MACROD2: variants seen among roughly 807,000 people sequenced by gnomAD.
MACROD2 encodes mono-ADP ribosylhydrolase 2.
MACROD2 carries 36 observed loss-of-function variants against 70.4 expected under a neutral mutation model. That is an observed-to-expected ratio of 0.51 (90% CI 0.39 to 0.68). The LOEUF (loss-of-function observed/expected upper bound fraction) is 0.68. Ranked by LOEUF, MACROD2 falls within the 30% of genes least tolerant of loss-of-function variation. The pLI is 0.00. For synonymous variants in MACROD2, 172 were observed against 178.8 expected, an observed-to-expected ratio of 0.96 and a Z score of 0.30; for missense variants, 496 against 538.4, an observed-to-expected ratio of 0.92 and a Z score of 0.78.
chr20:14,784,265 T>G (rs1425190020), intron 5 of MACROD2, among the ~76,000 whole-genome samples: 1 of 152,128 alleles, frequency 6.6e-6, no homozygotes, highest in Non-Finnish European at 1.5e-5. Flanking sequence ...TATGTCTGCT[T>G]TCTTGCCTGT....
At chr20:15,643,831 T>G (rs1358548366) in intron 8 of MACROD2, among the ~76,000 whole-genome samples, 2 of 152,168 alleles carry the variant, frequency 1.3e-5, no homozygotes, top group Non-Finnish European at 2.9e-5. Flanking sequence ...AGATGGACAT[T>G]TATGTTTCAT....
chr20:15,078,389 G>C (rs1328858497), intron 5 of MACROD2, among the ~76,000 whole-genome samples: 1 of 152,114 alleles, frequency 6.6e-6, no homozygotes, highest in African/African-American at 2.4e-5. Flanking sequence ...ACAGAGAAGG[G>C]GGATGAAAGG....
intron 5 of MACROD2, among the ~76,000 whole-genome samples, chr20:14,765,652 G>C (rs2072077313): frequency 6.6e-6 from 1 of 151,960 alleles, no homozygotes; most frequent in Non-Finnish European, 1.5e-5. Flanking sequence ...GGGATCACTG[G>C]GTTTAATTTT....
At chr20:15,989,109 A>G (rs1388799699) in intron 15 of MACROD2, among the ~76,000 whole-genome samples, 1 of 152,204 alleles carries the variant, frequency 6.6e-6, no homozygotes, top group Non-Finnish European at 1.5e-5. Context: ...GTGCAAAGCA[A>G]TTAAAACAAT....
At chr20:15,747,538 T>A (rs1430199450) in intron 8 of MACROD2, among the ~76,000 whole-genome samples, 1 of 152,196 alleles carries the variant, frequency 6.6e-6, no homozygotes, top group East Asian at 1.9e-4. Flanking sequence ...CAATTGATGT[T>A]TTTAAATAGT....
At chr20:15,871,405 C>G (rs2064581622) in intron 9 of MACROD2, among the ~76,000 whole-genome samples, 1 of 152,094 alleles carries the variant, frequency 6.6e-6, no homozygotes, top group Non-Finnish European at 1.5e-5. Context: ...TTTATCTCAT[C>G]CATTATCATT....
chr20:15,749,826 C>G (rs1393413186), intron 8 of MACROD2, among the ~76,000 whole-genome samples: 1 of 151,982 alleles, frequency 6.6e-6, no homozygotes, highest in Non-Finnish European at 1.5e-5. Context: ...GACTAGACAC[C>G]TATCTCTCGC....
intron 6 of MACROD2, among the ~76,000 whole-genome samples, chr20:15,260,964 A>G (rs1002538609): frequency 3.9e-5 from 6 of 152,018 alleles, no homozygotes; most frequent in Admixed American, 3.9e-4. Flanking sequence ...ACTATGGGCC[A>G]TGAGGTTATT....
At chr20:15,378,283 GAA>G (rs11087133) in intron 6 of MACROD2, among the ~76,000 whole-genome samples, 8,188 of 87,440 alleles carry the variant, frequency 0.094, 664 homozygotes, top group African/African-American at 0.26. Context: ...CAATAAAATT[GAA>G]AAAAAAAAAA....
chr20:15,606,394 T>C (rs2048893478), intron 8 of MACROD2, among the ~76,000 whole-genome samples: 1 of 152,142 alleles, frequency 6.6e-6, no homozygotes, highest in African/African-American at 2.4e-5. Context: ...ATGCTGTTTT[T>C]TTCTTCTTCA....
chr20:14,564,012 A>C (rs1472422674), intron 4 of MACROD2, among the ~76,000 whole-genome samples: 1 of 151,970 alleles, frequency 6.6e-6, no homozygotes, highest in Non-Finnish European at 1.5e-5. Context: ...AGATCAATGG[A>C]ACAGAAAGAG....
intron 5 of MACROD2, among the ~76,000 whole-genome samples, chr20:14,990,518 T>C (rs1211568963): frequency 3.4e-5 from 5 of 147,288 alleles, no homozygotes; most frequent in African/African-American, 1.2e-4. Context: ...TCTTTTTCTT[T>C]TTTTTTTTTT....
At chr20:14,264,686 T>C (rs1183641653) in intron 3 of MACROD2, among the ~76,000 whole-genome samples, 1 of 152,100 alleles carries the variant, frequency 6.6e-6, no homozygotes, top group Non-Finnish European at 1.5e-5. Context: ...CCCATGGCCC[T>C]GTGTCACGTG....
intron 3 of MACROD2, among the ~76,000 whole-genome samples, chr20:14,177,210 A>G (rs141196301): frequency 3.4e-3 from 514 of 152,308 alleles, no homozygotes; most frequent in East Asian, 0.011. Context: ...CAAACATGTA[A>G]CAAAAGTTAG....
chr20:15,443,491 A>G (rs2046523042), intron 7 of MACROD2, among the ~76,000 whole-genome samples: 2 of 152,298 alleles, frequency 1.3e-5, no homozygotes, highest in Admixed American at 1.3e-4. Flanking sequence ...CAAAATCGAC[A>G]TGAAATTGCC....
chr20:15,994,756 C>T (rs913438048), intron 15 of MACROD2, among the ~76,000 whole-genome samples: 2 of 152,122 alleles, frequency 1.3e-5, no homozygotes, highest in African/African-American at 4.8e-5. Context: ...ACTCCTGACT[C>T]ACCACCTCCC....
chr20:15,313,614 C>G (rs1162807165), intron 6 of MACROD2, among the ~76,000 whole-genome samples: 1 of 151,640 alleles, frequency 6.6e-6, no homozygotes, highest in African/African-American at 2.4e-5. Flanking sequence ...TCCTAGTGCT[C>G]TCACCTTCTC....
At chr20:14,451,223 T>A (rs747540519) in intron 3 of MACROD2, among the ~76,000 whole-genome samples, 22 of 152,120 alleles carry the variant, frequency 1.4e-4, no homozygotes, top group Non-Finnish European at 2.6e-4. Flanking sequence ...AGGTGGATCA[T>A]CTGAGGTCAG....
intron 3 of MACROD2, among the ~76,000 whole-genome samples, chr20:14,130,921 GT>G (rs201745680): frequency 8.4e-5 from 10 of 118,476 alleles, no homozygotes; most frequent in Non-Finnish European, 1.3e-4. Flanking sequence ...AAATAATTGT[GT>G]TTTTTTTGTT....
Sources: allele counts gnomAD v4.1 joint callset (sites outside exome capture counted in the v4.1 genomes callset), GRCh38; gene constraint gnomAD v4.1.1; transcripts MANE v1.5; gene names NCBI Gene and HGNC (gene_info 2026-07-23, HGNC 2026-07-21).